Variants in SOHLH1 observed in about 807,000 individuals in gnomAD.
SOHLH1 encodes the protein spermatogenesis and oogenesis specific basic helix-loop-helix 1.
Under a neutral mutation model 36.2 loss-of-function variants are expected in SOHLH1, and 23 were observed. The ratio of observed to expected loss-of-function variants is 0.64; its 90% confidence interval spans 0.46 to 0.90. The LOEUF is 0.90. SOHLH1 is among the 40% of genes least tolerant of loss of function. The probability of loss-of-function intolerance (pLI) is 0.00; values close to 1 mark genes in which losing one functional copy is unlikely to be tolerated. For synonymous variants in SOHLH1, 289 were observed against 228.3 expected, an observed-to-expected ratio of 1.27 and a Z score of -2.40; for missense variants, 608 against 517.0, an observed-to-expected ratio of 1.18 and a Z score of -1.71.
At chr9:135,699,506 CTT>C (rs1834959109), upstream of SOHLH1, 1 of 1,597,702 alleles carries the variant, frequency 6.3e-7, no homozygotes, top group East Asian at 2.3e-5. Context: ...CGCACGGCCC[CTT>C]CCGCAGGCAG....
intron 4 of SOHLH1, 127 bp downstream of exon 4, chr9:135,697,379 G>A: frequency 7.1e-7 from 1 of 1,410,462 alleles, no homozygotes; most frequent in South Asian, 1.2e-5. Context: ...GCCCTGGGCA[G>A]GTCACCACCT....
upstream of SOHLH1, chr9:135,699,669 G>C (rs1834967196): frequency 1.5e-6 from 1 of 645,570 alleles, no homozygotes. Context: ...TTCCTGCAAA[G>C]AAGGTGCTGG....
chr9:135,695,047 C>T lies in SOHLH1; in HGVS notation c.875+3G>A. On this transcript the variant is annotated splice_donor_region_variant and intron_variant, in intron 6 of 7. Coordinates refer to ENST00000425225, the MANE Select transcript of SOHLH1 (RefSeq NM_001101677.2). ...CAGGCGTGCACACCACCTGGGCACTCACCCGGCCTCCTGCGCCAGCATGGG... is the reference window on the plus strand; with the variant it reads ...CAGGCGTGCACACCACCTGGGCACTTACCCGGCCTCCTGCGCCAGCATGGG... 3 of 1,589,142 alleles carry T rather than the reference C, an allele frequency of 1.9e-6. No individual in the cohort carries two copies. Among genetic ancestry groups the T allele is most frequent in the Non-Finnish European group, 2.6e-6 (3 of 1,170,098 alleles).
At chr9:135,697,741 C>T (rs1834862298) in intron 3 of SOHLH1, 114 bp from the exon 4 acceptor site, 3 of 1,303,984 alleles carry the variant, frequency 2.3e-6, no homozygotes, top group East Asian at 2.7e-5. Flanking sequence ...AGCTCGGTCC[C>T]CGCTTGGAAC....
Position 135,697,584 on chromosome 9 carries a change from T to C in SOHLH1, c.389A>G (p.Asp130Gly). 1 of 1,612,514 alleles carries C rather than the reference T, an allele frequency of 6.2e-7. No individual in the cohort carries two copies. The highest frequency in any genetic ancestry group is 8.5e-7 in the Non-Finnish European group (1 of 1,179,640). Residue 130 changes from aspartate to glycine, a missense_variant, in exon 4 of 8, where the codon GAT (aspartate) becomes GGT (glycine). Physicochemically the swap from Asp to Gly is moderately conservative, Grantham distance 94. Coordinates refer to ENST00000425225, the MANE Select transcript of SOHLH1 (RefSeq NM_001101677.2). ...SKEMWHSLQEDVLQLTLSSQI... is the reference protein window; with the variant it reads ...SKEMWHSLQEGVLQLTLSSQI... ...ACTCGACAACGTCAACTGTAAAACA[T>C]CCTCCTGCAACGAGTGCCACATTTC... is the stretch of plus-strand genomic sequence containing the variant.
At chr9:135,699,488 AC>A (rs1564302188), upstream of SOHLH1, 4 of 1,608,760 alleles carry the variant, frequency 2.5e-6, no homozygotes, top group Non-Finnish European at 3.4e-6. Context: ...CTGCGGAGCG[AC>A]CCCACGCGCA....
At chr9:135,699,218 G>C in intron 1 of SOHLH1, 92 bp from the exon 2 acceptor site, 1 of 1,541,662 alleles carries the variant, frequency 6.5e-7, no homozygotes, top group Non-Finnish European at 8.8e-7. Context: ...TTGGGGTGCG[G>C]GTGGAAGCCA....
At position 135,697,637 on chromosome 9, in the gene SOHLH1, A is replaced by C. The variant is rs1834858853; in HGVS notation, c.346-10T>G. The C allele has an allele frequency of 5.0e-6, 8 of 1,609,382 alleles. No individual in the cohort carries two copies. In the South Asian group the frequency reaches 8.8e-5, roughly 18 times the overall value. The stretch of plus-strand genomic sequence containing the variant: ...TGGAGGAAGCAAGAATCTGAAATTT[A>C]AGTAAACATGTAAAACAAAGACAGA... On this transcript the variant is annotated splice_polypyrimidine_tract_variant and intron_variant, in intron 3 of 7. Coordinates refer to ENST00000425225, the MANE Select transcript of SOHLH1 (RefSeq NM_001101677.2).
chr9:135,694,186 G>A (rs1017144337), intron 7 of SOHLH1: 40 of 1,439,748 alleles, frequency 2.8e-5, no homozygotes, highest in Middle Eastern at 5.1e-4. Flanking sequence ...TCCACATCAC[G>A]TTCACTCACA....
In SOHLH1 at chr9:135,693,613, T is replaced by C. The variant is rs1834676101; in HGVS notation, c.1148A>G (p.Asp383Gly). Residue 383 changes from aspartate to glycine, a missense_variant, in exon 8 of 8, where the codon GAC becomes GGC. Physicochemically the swap from Asp to Gly is moderately conservative, Grantham distance 94. Transcript: ENST00000425225. ...GCCTGGCTGCTAGCAGGCAAAGAAG[T>C]CAGGGAAGATGCTCTCCACCTCGTC... ...LKDEVESIFP[D>G]FFAC 1.9e-6 allele frequency: 3 copies of C among 1,577,724 alleles called. No individual in the cohort carries two copies. The South Asian group carries it at 3.5e-5, about 18-fold the overall frequency.
At chr9:135,695,022 C>G (rs753569465) in intron 6 of SOHLH1, 28 bp downstream of exon 6, 1 of 1,564,516 alleles carries the variant, frequency 6.4e-7, no homozygotes, top group Admixed American at 1.8e-5. Context: ...CACGCACACA[C>G]AGGCGTGCAC....
In SOHLH1 at chr9:135,693,489, G is replaced by A; in HGVS notation, c.*108C>T. 2 of 1,387,894 alleles carry A rather than the reference G, an allele frequency of 1.4e-6. No homozygotes were observed. Among genetic ancestry groups the A allele is most frequent in the Non-Finnish European group, 9.6e-7 (1 of 1,038,676 alleles). 86.0% of individuals were successfully genotyped at this position (1,387,894 alleles called of 1,614,324 possible). ...CAGCCTGTAAGCCTCGCTCAAATTA[G>A]GGTGCAGCTGCAACCCAAACCCAAA... On this transcript the variant is annotated 3_prime_UTR_variant, in exon 8 of 8. Coordinates refer to ENST00000425225, the MANE Select transcript of SOHLH1 (RefSeq NM_001101677.2).
intron 5 of SOHLH1, 56 bp from the exon 6 acceptor site, chr9:135,695,319 C>T (rs971058372): frequency 7.9e-6 from 12 of 1,519,144 alleles, no homozygotes; most frequent in Non-Finnish European, 1.1e-5. Context: ...ACAGGCTGCC[C>T]CCGAGGACCT....
chr9:135,695,405 T>C, intron 5 of SOHLH1, 142 bp from the exon 6 acceptor site: 2 of 734,932 alleles, frequency 2.7e-6, no homozygotes, highest in Non-Finnish European at 4.7e-6. Flanking sequence ...CAGGGACACG[T>C]GGGAGGAAGC....
At chr9:135,694,238 C>T in intron 7 of SOHLH1, 149 bp downstream of exon 7, 1 of 1,494,946 alleles carries the variant, frequency 6.7e-7, no homozygotes, top group Non-Finnish European at 8.9e-7. Flanking sequence ...AGACACGGCC[C>T]AACAGCTAAG....
At position 135,698,930 on chromosome 9, in the gene SOHLH1, G is replaced by A. The variant is rs564599278; in HGVS notation, c.197+65C>T. 4.9e-5 allele frequency: 79 copies of A among 1,608,492 alleles called. No individual in the cohort carries two copies. The East Asian group carries it at 1.7e-3, about 34-fold the overall frequency. On this transcript the variant is annotated intron_variant, in intron 2 of 7. Transcript: ENST00000425225. ...CTGCCTGACACCTGGTGGCAGCCCC[G>A]AACATAATCTCACCCGCTCCACCCC...
upstream of SOHLH1, among the ~76,000 whole-genome samples, chr9:135,701,186 T>C (rs572547068): frequency 6.6e-6 from 1 of 152,322 alleles, no homozygotes; most frequent in Non-Finnish European, 1.5e-5. Context: ...GCTGAACCTC[T>C]GCTGGGGACT....
At chr9:135,695,314 C>G (rs1255162353) in intron 5 of SOHLH1, 51 bp from the exon 6 acceptor site, 12 of 1,538,270 alleles carry the variant, frequency 7.8e-6, no homozygotes, top group Non-Finnish European at 1.1e-5. Context: ...GCCCCACAGG[C>G]TGCCCCCGAG....
At position 135,699,432 on chromosome 9, in the gene SOHLH1, G is replaced by A; in HGVS notation, c.36C>T (p.Val12=). The change falls in exon 1 of 8, where the codon GTC becomes GTT. Residue 12 remains valine (V), a synonymous_variant. Transcript: ENST00000425225. ...ASRCSEPYPE[V]SRIPTVRGCN... is the part of the protein sequence containing the mutation. ...ATCCCCTGACGGTAGGGATTCTGGA[G>A]ACCTCCGGGTAGGGCTCGGAGCACC... is the stretch of plus-strand genomic sequence containing the variant. The A allele has an allele frequency of 6.2e-7, 1 of 1,612,342 alleles. No homozygotes were observed. Among genetic ancestry groups the A allele is most frequent in the Non-Finnish European group, 8.5e-7 (1 of 1,179,802 alleles).
Sources: gnomAD v4.1 joint callset for allele counts (sites outside exome capture counted in the v4.1 genomes callset) on GRCh38, gnomAD v4.1.1 for gene constraint, MANE v1.5 for transcripts, NCBI Gene and HGNC (gene_info 2026-07-23, HGNC 2026-07-21) for gene names.